The following RPS6KA5 variants were observed in gnomAD, a reference collection of about 807,000 sequenced individuals.
RPS6KA5 encodes the protein ribosomal protein S6 kinase A5.
In RPS6KA5, 27 loss-of-function variants were observed where a neutral mutation model predicts 85.5. The observed-to-expected ratio is 0.32, with a 90% CI of 0.23 to 0.44. The LOEUF (loss-of-function observed/expected upper bound fraction) is 0.44. RPS6KA5 is among the 20% of genes least tolerant of loss of function. RPS6KA5 has a pLI of 1.00. For missense variants in RPS6KA5, 811 were observed against 980.9 expected (o/e 0.83, Z 2.31); for synonymous variants, 334 against 348.2 (o/e 0.96, Z 0.46).
intron 1 of RPS6KA5, among the ~76,000 whole-genome samples, chr14:91,056,846 T>C (rs796216702): frequency 0.014 from 2,053 of 150,774 alleles, 48 homozygotes; most frequent in African/African-American, 0.048. Context: ...CCCTTTACTG[T>C]TATACTTAAG....
At chr14:90,900,437 G>A (rs954858842) in intron 10 of RPS6KA5, among the ~76,000 whole-genome samples, 174 bp downstream of exon 10, 6 of 152,044 alleles carry the variant, frequency 3.9e-5, no homozygotes, top group African/African-American at 1.4e-4. Flanking sequence ...CTCTATAATT[G>A]TAAAAAGAAG....
At chr14:90,894,692 G>A (rs2034741200) in intron 12 of RPS6KA5, 109 bp from the exon 13 acceptor site, 4 of 1,245,412 alleles carry the variant, frequency 3.2e-6, no homozygotes, top group African/African-American at 3.0e-5. Flanking sequence ...ATAATCCCCT[G>A]TTAAAATAAT....
At position 91,001,166 on chromosome 14, in the gene RPS6KA5, G is replaced by GA. The variant is rs746013948; in HGVS notation, c.104-8dup. Reference sequence around the variant, plus strand: ...GCATGTCCTGTCAAATTAGCTAAAAGAAAAAAAGAGGAAAAAAAAAACAAG... The same window carrying GA: ...GCATGTCCTGTCAAATTAGCTAAAAGAAAAAAAAGAGGAAAAAAAAAACAAG... On this transcript the variant is annotated splice_region_variant and splice_polypyrimidine_tract_variant and intron_variant, in intron 1 of 16. Coordinates refer to ENST00000614987, the MANE Select transcript of RPS6KA5 (RefSeq NM_004755.4). 7 of 1,564,382 alleles carry GA rather than the reference G, an allele frequency of 4.5e-6. No individual in the cohort carries two copies. Among genetic ancestry groups the GA allele is most frequent in the South Asian group, 2.4e-5 (2 of 83,652 alleles).
In RPS6KA5 at chr14:90,904,133, C is replaced by T. The variant is rs187220730; in HGVS notation, c.958-1164G>A. On this transcript the variant is annotated intron_variant, in intron 8 of 16. Transcript: ENST00000614987. The stretch of plus-strand genomic sequence containing the variant: ...CCCGGCTAATTTTTTGTATTTTTAG[C>T]AGAGACAGGGTTTCACTGTGTTAGC... Among the ~76,000 whole-genome samples, 89 of 152,028 alleles carry T rather than the reference C, an allele frequency of 5.9e-4. 1 individual carries two copies. Among genetic ancestry groups the T allele is most frequent in the Admixed American group, 1.9e-3 (29 of 15,252 alleles).
At chr14:91,053,123 T>G (rs1042802181) in intron 1 of RPS6KA5, among the ~76,000 whole-genome samples, 5 of 152,184 alleles carry the variant, frequency 3.3e-5, no homozygotes, top group African/African-American at 1.2e-4. Flanking sequence ...GTCATCTTAA[T>G]AGATGCAGAA....
chr14:90,859,382 GAAAC>G lies in RPS6KA5; in HGVS notation c.*12688_*12691del, dbSNP rs1312410784. 6.6e-6 allele frequency: 1 copy of G among 152,148 alleles called. No homozygotes were observed. The highest frequency in any genetic ancestry group is 1.5e-5 in the Non-Finnish European group (1 of 68,026). 9.4% of individuals were successfully genotyped at this position (152,148 alleles called of 1,614,324 possible). On this transcript the variant is annotated 3_prime_UTR_variant, in exon 17 of 17. Transcript: ENST00000614987. ...ACCAAATGACTGACAACAGACAATG[GAAAC>G]AAACAACTAGTAGTAGTAATCAGAC...
intron 3 of RPS6KA5, among the ~76,000 whole-genome samples, chr14:90,953,088 A>T (rs1237124852): frequency 6.6e-6 from 1 of 152,240 alleles, no homozygotes; most frequent in Non-Finnish European, 1.5e-5. Context: ...TTATATAAAA[A>T]GAAAGGGAGA....
intron 8 of RPS6KA5, among the ~76,000 whole-genome samples, chr14:90,904,171 G>T (rs56303520): frequency 1.3e-5 from 2 of 152,134 alleles, no homozygotes; most frequent in South Asian, 2.1e-4. Flanking sequence ...GGATGGTCTC[G>T]ATCTCCTGAC....
chr14:90,875,141 C>T (rs1033531091), intron 15 of RPS6KA5, 60 bp downstream of exon 15: 1 of 1,473,918 alleles, frequency 6.8e-7, no homozygotes, highest in Non-Finnish European at 9.3e-7. Context: ...GTGTAATGGC[C>T]ATGATTCTAC....
rs139326591 is a variant in RPS6KA5 at position 90,911,813 on chromosome 14, G to A, written c.807-5514C>T. The stretch of plus-strand genomic sequence containing the variant: ...CAAAACATTAATAGTATATGTCTCT[G>A]CGTGTTATTATTGACTCTTTACCCC... On this transcript the variant is annotated intron_variant, in intron 7 of 16. Transcript: ENST00000614987. Among the ~76,000 whole-genome samples the A allele has an allele frequency of 1.0e-3, 152 of 152,266 alleles. 2 individuals carry two copies. The highest frequency in any genetic ancestry group is 4.2e-3 in the Admixed American group (64 of 15,304).
intron 3 of RPS6KA5, among the ~76,000 whole-genome samples, chr14:90,961,947 C>T (rs557895672): frequency 4.1e-4 from 63 of 152,324 alleles, no homozygotes; most frequent in African/African-American, 1.4e-3. Context: ...AGAAGAGCTA[C>T]ATTCATGGTT....
At chr14:90,945,334 A>C (rs2037818425) in intron 4 of RPS6KA5, among the ~76,000 whole-genome samples, 1 of 152,226 alleles carries the variant, frequency 6.6e-6, no homozygotes, top group Non-Finnish European at 1.5e-5. Flanking sequence ...AGGAAGGAAA[A>C]TGTCTAGAGC....
At chr14:90,974,848 T>C (rs2039492902) in intron 3 of RPS6KA5, among the ~76,000 whole-genome samples, 1 of 152,182 alleles carries the variant, frequency 6.6e-6, no homozygotes, top group East Asian at 1.9e-4. Flanking sequence ...AATAAATCAT[T>C]GTTTAAGCTA....
intron 1 of RPS6KA5, among the ~76,000 whole-genome samples, chr14:91,020,536 G>C (rs531653889): frequency 0.092 from 979 of 10,610 alleles, 5 homozygotes; most frequent in Middle Eastern, 0.15. Flanking sequence ...AGGAATGACT[G>C]TGTGTGTGTG....
rs145571165 is a variant in RPS6KA5 at position 90,887,548 on chromosome 14, A to C, written c.1836+2939T>G. 2.3e-3 allele frequency among the ~76,000 whole-genome samples: 354 copies of C among 152,216 alleles called. 4 individuals are homozygous for C. The highest frequency in any genetic ancestry group is 8.1e-3 in the African/African-American group (335 of 41,540). ...ATCACATCTAAAAAAAATTAGTAGTAATTCCTTTGTATCATTCAACATCTA... is the reference window on the plus strand; with the variant it reads ...ATCACATCTAAAAAAAATTAGTAGTCATTCCTTTGTATCATTCAACATCTA... On this transcript the variant is annotated intron_variant, in intron 14 of 16. Coordinates refer to ENST00000614987, the MANE Select transcript of RPS6KA5 (RefSeq NM_004755.4).
intron 5 of RPS6KA5, among the ~76,000 whole-genome samples, chr14:90,938,598 C>T (rs1343913318): frequency 6.6e-6 from 1 of 152,194 alleles, no homozygotes; most frequent in Non-Finnish European, 1.5e-5. Flanking sequence ...GAAATCTAGG[C>T]GGAGGTTCCC....
chr14:91,008,071 T>G (rs1046800823), intron 1 of RPS6KA5, among the ~76,000 whole-genome samples: 3 of 152,246 alleles, frequency 2.0e-5, no homozygotes, highest in Non-Finnish European at 4.4e-5. Flanking sequence ...ATGTTTAACT[T>G]GGAACTTCCC....
chr14:90,955,198 C>CT (rs1488862032), intron 3 of RPS6KA5, among the ~76,000 whole-genome samples: 5 of 152,096 alleles, frequency 3.3e-5, no homozygotes, highest in African/African-American at 9.7e-5. Flanking sequence ...ATGTTTCTTG[C>CT]TTTTTTAATT....
intron 1 of RPS6KA5, among the ~76,000 whole-genome samples, chr14:91,027,297 A>G (rs1471100501): frequency 6.6e-6 from 1 of 152,210 alleles, no homozygotes; most frequent in African/African-American, 2.4e-5. Context: ...GGTGAAAGGT[A>G]GGGGTCCAGT....
Sources: allele counts gnomAD v4.1 joint callset (sites outside exome capture counted in the v4.1 genomes callset), GRCh38; gene constraint gnomAD v4.1.1; transcripts MANE v1.5; gene names NCBI Gene and HGNC (gene_info 2026-07-23, HGNC 2026-07-21).